C8A: variants seen among roughly 807,000 people sequenced by gnomAD.
C8A encodes the protein complement C8 alpha chain, also known as complement component C8 alpha chain.
C8A carries 67 observed loss-of-function variants against 65.3 expected under a neutral mutation model. That is an observed-to-expected ratio of 1.03 (90% CI 0.84 to 1.26). The LOEUF (loss-of-function observed/expected upper bound fraction) is 1.26, where lower values mean the gene tolerates loss of function less well. Among genes scored for constraint, C8A ranks in the 50% most tolerant of loss-of-function variants. The pLI is 0.00. For synonymous variants in C8A, 290 were observed against 259.4 expected (o/e 1.12, Z -1.13); for missense variants, 781 against 723.9 (o/e 1.08, Z -0.90).
intron 10 of C8A, 124 bp from the exon 11 acceptor site, chr1:56,917,441 C>T: frequency 1.1e-6 from 1 of 927,472 alleles, no homozygotes; most frequent in Non-Finnish European, 1.8e-6. Flanking sequence ...TGCAGTCGAC[C>T]AGAGGAGGGG....
intron 7 of C8A, among the ~76,000 whole-genome samples, chr1:56,904,875 C>T (rs989525651): frequency 4.6e-5 from 7 of 152,262 alleles, no homozygotes; most frequent in African/African-American, 1.2e-4. Context: ...CCCAGCATCA[C>T]GTGGCAGGCT....
At chr1:56,874,499 C>T (rs1644178598) in intron 2 of C8A, among the ~76,000 whole-genome samples, 1 of 152,194 alleles carries the variant, frequency 6.6e-6, no homozygotes, top group African/African-American at 2.4e-5. Context: ...ATGGTCCTCT[C>T]TTCTCTACCC....
chr1:56,863,525 C>G (rs1395382811), intron 1 of C8A, among the ~76,000 whole-genome samples: 1 of 152,140 alleles, frequency 6.6e-6, no homozygotes, highest in Non-Finnish European at 1.5e-5. Flanking sequence ...TCTCTATGGG[C>G]TTACAATGAC....
At chr1:56,863,689 C>T (rs976796952) in intron 1 of C8A, among the ~76,000 whole-genome samples, 11 of 152,124 alleles carry the variant, frequency 7.2e-5, no homozygotes, top group East Asian at 1.9e-4. Context: ...TAGAAAAATA[C>T]GTGTGTAACC....
At chr1:56,858,746 A>T (rs1055429893) in intron 1 of C8A, among the ~76,000 whole-genome samples, 6 of 152,218 alleles carry the variant, frequency 3.9e-5, no homozygotes, top group Admixed American at 3.3e-4. Flanking sequence ...TGTGACTCAA[A>T]AGCGAATCAT....
intron 9 of C8A, among the ~76,000 whole-genome samples, chr1:56,911,453 G>T (rs1644505436): frequency 6.6e-6 from 1 of 152,202 alleles, no homozygotes; most frequent in Non-Finnish European, 1.5e-5. Flanking sequence ...TTTGAAGCCA[G>T]GTTTTCCGGC....
chr1:56,864,956 C>T (rs1644070461), intron 1 of C8A, among the ~76,000 whole-genome samples: 1 of 152,080 alleles, frequency 6.6e-6, no homozygotes, highest in Non-Finnish European at 1.5e-5. Flanking sequence ...CTGCTAGGGC[C>T]TTGGTCAAAA....
In C8A at chr1:56,917,993, A is replaced by C; in HGVS notation, c.*277A>C. On this transcript the variant is annotated 3_prime_UTR_variant, in exon 11 of 11. Coordinates refer to ENST00000361249, the MANE Select transcript of C8A (RefSeq NM_000562.3). Reference sequence around the variant, plus strand: ...TGGATCATCAAAAAAATAAAGTAAAATAGAAAACTGAGAAAACTCAATCCA... The same window carrying C: ...TGGATCATCAAAAAAATAAAGTAAACTAGAAAACTGAGAAAACTCAATCCA... The C allele has an allele frequency of 3.0e-6, 1 of 336,550 alleles. No individual in the cohort carries two copies. 20.8% of individuals were successfully genotyped at this position (336,550 alleles called of 1,614,324 possible). A position where few individuals can be genotyped will look rare whatever the true frequency, so the allele number is the denominator to read the frequency against.
chr1:56,911,114 C>G (rs1253406004), intron 9 of C8A, among the ~76,000 whole-genome samples: 1 of 136,894 alleles, frequency 7.3e-6, no homozygotes, highest in Admixed American at 7.6e-5. Flanking sequence ...AAAAATGGTG[C>G]TTTATTTTTT....
chr1:56,859,381 T>A (rs1267305244), intron 1 of C8A, among the ~76,000 whole-genome samples: 1 of 151,952 alleles, frequency 6.6e-6, no homozygotes, highest in African/African-American at 2.4e-5. Context: ...AGTCTAGGAG[T>A]AGGAATAAAG....
At chr1:56,903,639 T>C (rs750828633) in intron 7 of C8A, among the ~76,000 whole-genome samples, 1 of 152,070 alleles carries the variant, frequency 6.6e-6, no homozygotes, top group African/African-American at 2.4e-5. Context: ...GGCTACTAAG[T>C]CCATATCCAA....
At chr1:56,856,047 T>A (rs575922305) in intron 1 of C8A, among the ~76,000 whole-genome samples, 1 of 150,830 alleles carries the variant, frequency 6.6e-6, no homozygotes, top group South Asian at 2.1e-4. Flanking sequence ...GAACAAAGAG[T>A]CTTGATGTTT....
intron 8 of C8A, among the ~76,000 whole-genome samples, chr1:56,907,210 T>C (rs746196706): frequency 2.6e-5 from 4 of 152,232 alleles, no homozygotes; most frequent in Admixed American, 6.5e-5. Flanking sequence ...GAATATTTTA[T>C]GGCATTTCCT....
In C8A at chr1:56,886,119, A is replaced by T; in HGVS notation, c.1048A>T (p.Ile350Phe). 6.2e-7 allele frequency: 1 copy of T among 1,614,048 alleles called. No homozygotes were observed. The highest frequency in any genetic ancestry group is 8.5e-7 in the Non-Finnish European group (1 of 1,179,928). Residue 350 changes from isoleucine to phenylalanine, a missense_variant, in exon 7 of 11, where the codon ATT (isoleucine) becomes TTT (phenylalanine). Coordinates refer to ENST00000361249, the MANE Select transcript of C8A (RefSeq NM_000562.3). ...CATCACATCTGGATCCATGGGTGGC[A>T]TTTATGAATATATCCTGGTGATTGA... ...HYITSGSMGGIYEYILVIDKA... is the reference protein window; with the variant it reads ...HYITSGSMGGFYEYILVIDKA...
rs529559793 is a variant in C8A, at chr1:56,898,762, G to C, written c.1097-7905G>C. 2.0e-5 allele frequency among the ~76,000 whole-genome samples: 3 copies of C among 152,228 alleles called. No individual in the cohort carries two copies. The South Asian group carries it at 6.2e-4, about 32-fold the overall frequency. On this transcript the variant is annotated intron_variant, in intron 7 of 10. Coordinates refer to ENST00000361249, the MANE Select transcript of C8A (RefSeq NM_000562.3). ...CATTGATTGAGCATGGCCCACAGCAGAGACTCAGCGTCTTTCTAGCTGGGG... is the reference window on the plus strand; with the variant it reads ...CATTGATTGAGCATGGCCCACAGCACAGACTCAGCGTCTTTCTAGCTGGGG...
At chr1:56,874,326 A>T (rs1644176873) in intron 2 of C8A, among the ~76,000 whole-genome samples, 2 of 152,180 alleles carry the variant, frequency 1.3e-5, no homozygotes, top group African/African-American at 4.8e-5. Context: ...TGAGGAAGTG[A>T]GTCCTTTCCC....
chr1:56,873,931 A>G (rs932001907), intron 2 of C8A, among the ~76,000 whole-genome samples: 2 of 152,170 alleles, frequency 1.3e-5, no homozygotes, highest in Non-Finnish European at 2.9e-5. Flanking sequence ...CTGACACTGT[A>G]CACTATATAG....
chr1:56,863,343 C>T (rs1027462270), intron 1 of C8A, among the ~76,000 whole-genome samples: 2 of 152,140 alleles, frequency 1.3e-5, no homozygotes, highest in African/African-American at 4.8e-5. Context: ...AATGAATGGT[C>T]CTGGTGTACT....
chr1:56,862,718 A>G (rs1644046519), intron 1 of C8A, among the ~76,000 whole-genome samples: 1 of 152,156 alleles, frequency 6.6e-6, no homozygotes, highest in Non-Finnish European at 1.5e-5. Flanking sequence ...GATTAGAAGC[A>G]AAGACTCCTG....
Sources: allele counts gnomAD v4.1 joint callset (sites outside exome capture counted in the v4.1 genomes callset), GRCh38; gene constraint gnomAD v4.1.1; transcripts MANE v1.5; gene names NCBI Gene and HGNC (gene_info 2026-07-23, HGNC 2026-07-21).